Variants in RGL1 observed in about 807,000 individuals in gnomAD.
RGL1 encodes the protein ral guanine nucleotide dissociation stimulator like 1, also known as ral guanine nucleotide dissociation stimulator-like 1.
In RGL1, 24 loss-of-function variants were observed where a neutral mutation model predicts 95.2. That is an observed-to-expected ratio of 0.25 (90% CI 0.18 to 0.35). The LOEUF (loss-of-function observed/expected upper bound fraction) is 0.35. Among genes scored for constraint, RGL1 ranks in the 10% least tolerant of loss-of-function variants. The probability of loss-of-function intolerance (pLI) is 1.00; values close to 1 mark genes in which losing one functional copy is unlikely to be tolerated. For missense variants in RGL1, 715 were observed against 936.3 expected (o/e 0.76, Z 3.08); for synonymous variants, 329 against 344.9 (o/e 0.95, Z 0.51).
intron 1 of RGL1, among the ~76,000 whole-genome samples, chr1:183,739,447 G>C (rs1558181548): frequency 6.6e-6 from 1 of 152,222 alleles, no homozygotes; most frequent in African/African-American, 2.4e-5. Context: ...TAGCAGTGTA[G>C]TAAAGTTATT....
At chr1:183,900,504 AATT>A (rs1244340474) in intron 11 of RGL1, among the ~76,000 whole-genome samples, 1 of 152,090 alleles carries the variant, frequency 6.6e-6, no homozygotes, top group Non-Finnish European at 1.5e-5. Context: ...GGGAGATGAC[AATT>A]ATTATTATTT....
intron 2 of RGL1, among the ~76,000 whole-genome samples, chr1:183,842,496 T>C (rs1558242294): frequency 6.6e-6 from 1 of 152,204 alleles, no homozygotes; most frequent in Non-Finnish European, 1.5e-5. Flanking sequence ...TCGATAATTA[T>C]GGAAATTACC....
intron 1 of RGL1, among the ~76,000 whole-genome samples, chr1:183,708,541 C>T (rs943247823): frequency 4.6e-5 from 7 of 152,188 alleles, no homozygotes; most frequent in Admixed American, 1.3e-4. Flanking sequence ...CTAGCTCAGG[C>T]GCATGCTGAT....
chr1:183,799,880 A>G (rs989858350), intron 2 of RGL1, among the ~76,000 whole-genome samples: 1 of 152,250 alleles, frequency 6.6e-6, no homozygotes, highest in Non-Finnish European at 1.5e-5. Flanking sequence ...CAAATACAAA[A>G]TTACATTAAA....
At chr1:183,648,761 C>T (rs1290043728) in intron 1 of RGL1, 2 of 1,608,784 alleles carry the variant, frequency 1.2e-6, no homozygotes, top group African/African-American at 1.3e-5. Flanking sequence ...TTGCTAGGTA[C>T]TCCTCATATA....
intron 2 of RGL1, among the ~76,000 whole-genome samples, chr1:183,782,067 A>G (rs1020350035): frequency 6.6e-6 from 1 of 152,244 alleles, no homozygotes; most frequent in Non-Finnish European, 1.5e-5. Flanking sequence ...GCTAATCAAT[A>G]GAATAAATCT....
At chr1:183,813,560 A>T (rs78742846) in intron 2 of RGL1, among the ~76,000 whole-genome samples, 27,809 of 152,176 alleles carry the variant, frequency 0.18, 2,731 homozygotes, top group Middle Eastern at 0.21. Flanking sequence ...AACCAAACAA[A>T]TTGAATCTGA....
intron 14 of RGL1, among the ~76,000 whole-genome samples, chr1:183,907,816 C>T (rs1335734841): frequency 6.6e-6 from 1 of 151,962 alleles, no homozygotes; most frequent in African/African-American, 2.4e-5. Flanking sequence ...GTAGTGAGAT[C>T]CTGTCTCTAC....
At chr1:183,701,970 T>C (rs1478006613) in intron 1 of RGL1, among the ~76,000 whole-genome samples, 1 of 152,188 alleles carries the variant, frequency 6.6e-6, no homozygotes, top group Non-Finnish European at 1.5e-5. Context: ...TTTTATTGTT[T>C]TTTGCATAAT....
chr1:183,801,827 T>C (rs989691296), upstream of RGL1, among the ~76,000 whole-genome samples: 2 of 152,092 alleles, frequency 1.3e-5, no homozygotes, highest in African/African-American at 2.4e-5. Flanking sequence ...AAGAGAGAGA[T>C]GGGGGTCATA....
chr1:183,658,425 G>A (rs546318840), intron 1 of RGL1, among the ~76,000 whole-genome samples: 1 of 152,334 alleles, frequency 6.6e-6, no homozygotes, highest in Admixed American at 6.5e-5. Flanking sequence ...CTGGCTCGGA[G>A]GGTCCTACGC....
chr1:183,663,891 T>A (rs1651841445), intron 1 of RGL1, among the ~76,000 whole-genome samples: 1 of 151,166 alleles, frequency 6.6e-6, no homozygotes, highest in South Asian at 2.1e-4. Context: ...CCATAAAAAA[T>A]GATGAGTTCA....
intron 2 of RGL1, among the ~76,000 whole-genome samples, chr1:183,784,849 C>T (rs747357178): frequency 6.6e-5 from 10 of 152,210 alleles, no homozygotes; most frequent in Admixed American, 2.6e-4. Context: ...TCACCTGTAA[C>T]AAATTTCGGC....
At chr1:183,877,774 T>TA (rs1361269351) in intron 4 of RGL1, among the ~76,000 whole-genome samples, 68 of 152,038 alleles carry the variant, frequency 4.5e-4, no homozygotes, top group Non-Finnish European at 5.9e-5. Flanking sequence ...TCACAAAGAG[T>TA]AAAAAAATGT....
chr1:183,689,465 A>G (rs138840421), intron 1 of RGL1, among the ~76,000 whole-genome samples: 7 of 152,146 alleles, frequency 4.6e-5, no homozygotes, highest in South Asian at 2.1e-4. Context: ...TTTAGCATCT[A>G]TTTCAAGCAC....
intron 2 of RGL1, among the ~76,000 whole-genome samples, chr1:183,826,461 G>A (rs532169238): frequency 1.3e-4 from 20 of 152,138 alleles, no homozygotes; most frequent in Non-Finnish European, 2.4e-4. Flanking sequence ...ATGAGGACAT[G>A]GGTTTTGGTT....
chr1:183,875,399 A>T (rs1440854508), intron 4 of RGL1, among the ~76,000 whole-genome samples: 1 of 152,208 alleles, frequency 6.6e-6, no homozygotes, highest in East Asian at 1.9e-4. Flanking sequence ...CATTCATTAA[A>T]AAGTCTGTGA....
At chr1:183,693,173 C>T (rs1654061552) in intron 1 of RGL1, among the ~76,000 whole-genome samples, 1 of 152,108 alleles carries the variant, frequency 6.6e-6, no homozygotes, top group African/African-American at 2.4e-5. Context: ...CCAGGATGGT[C>T]TCAGTCTCCT....
At chr1:183,793,066 G>T (rs1348308098) in intron 2 of RGL1, among the ~76,000 whole-genome samples, 1 of 152,106 alleles carries the variant, frequency 6.6e-6, no homozygotes, top group African/African-American at 2.4e-5. Context: ...AACCAAAACA[G>T]TATGGTATTG....
Sources: gnomAD v4.1 joint callset for allele counts (sites outside exome capture counted in the v4.1 genomes callset) on GRCh38, gnomAD v4.1.1 for gene constraint, MANE v1.5 for transcripts, NCBI Gene and HGNC (gene_info 2026-07-23, HGNC 2026-07-21) for gene names.